The following GNG4 variants were observed in gnomAD, a reference collection of about 807,000 sequenced individuals.
GNG4 encodes guanine nucleotide-binding protein G(I)/G(S)/G(O) subunit gamma-4.
In GNG4, 4 loss-of-function variants were observed where a neutral mutation model predicts 5.8. That is an observed-to-expected ratio of 0.69 (90% CI 0.34 to 1.57). The LOEUF is 1.57. Among genes scored for constraint, GNG4 ranks in the 40% most tolerant of loss-of-function variants. GNG4 has a pLI of 0.06. For synonymous variants in GNG4, 29 were observed against 32.9 expected (o/e 0.88, Z 0.41); for missense variants, 96 against 95.1 (o/e 1.01, Z -0.04).
At chr1:235,605,670 C>T (rs890875616) in intron 1 of GNG4, among the ~76,000 whole-genome samples, 3 of 152,136 alleles carry the variant, frequency 2.0e-5, no homozygotes, top group African/African-American at 7.2e-5. Context: ...CCACTAGGCA[C>T]TGTGATCAGA....
intron 3 of GNG4, among the ~76,000 whole-genome samples, chr1:235,565,276 G>A (rs1350480641): frequency 6.6e-6 from 1 of 152,016 alleles, no homozygotes; most frequent in Non-Finnish European, 1.5e-5. Context: ...CGAGGTGGGC[G>A]GATCACCTGA....
chr1:235,620,726 A>G (rs10926282), intron 1 of GNG4, among the ~76,000 whole-genome samples: 57,593 of 151,900 alleles, frequency 0.38, 11,156 homozygotes, highest in African/African-American at 0.41. Flanking sequence ...TAGTAGAGAC[A>G]GGGTTTCACC....
At chr1:235,615,980 T>C in intron 1 of GNG4, 2 of 329,640 alleles carry the variant, frequency 6.1e-6, no homozygotes, top group East Asian at 1.8e-4. Context: ...GCCTCCACAA[T>C]GTCCTCAGCA....
At chr1:235,569,385 A>C (rs2841889) in intron 3 of GNG4, among the ~76,000 whole-genome samples, 111,891 of 150,882 alleles carry the variant, frequency 0.74, 42,875 homozygotes, top group African/African-American at 0.93. Context: ...TCGAGCCGGG[A>C]AGGCGGAAGC....
chr1:235,622,731 A>C (rs1346428093), intron 1 of GNG4, among the ~76,000 whole-genome samples: 13 of 151,918 alleles, frequency 8.6e-5, no homozygotes, highest in Non-Finnish European at 1.9e-4. Flanking sequence ...AAATACAAAA[A>C]TTAGTCAGGT....
intron 1 of GNG4, among the ~76,000 whole-genome samples, chr1:235,626,958 C>CAAAAAAAAAAAAAAAA (rs776506587): frequency 6.5e-5 from 5 of 77,354 alleles, no homozygotes; most frequent in South Asian, 4.9e-4. Context: ...GACTCTATCT[C>CAAAAAAAAAAAAAAAA]AAAAAAAAAA....
At chr1:235,638,015 T>C (rs941734254) in intron 1 of GNG4, among the ~76,000 whole-genome samples, 2 of 152,182 alleles carry the variant, frequency 1.3e-5, no homozygotes, top group Non-Finnish European at 2.9e-5. Flanking sequence ...CAAGAAGAGC[T>C]TCCCGGACCC....
At chr1:235,592,322 A>T (rs1395711124) in intron 2 of GNG4, among the ~76,000 whole-genome samples, 1 of 152,178 alleles carries the variant, frequency 6.6e-6, no homozygotes, top group Non-Finnish European at 1.5e-5. Context: ...CCTGGCCAAC[A>T]TGGTGAAACC....
chr1:235,626,433 G>A (rs1688810698), intron 1 of GNG4, among the ~76,000 whole-genome samples: 2 of 152,120 alleles, frequency 1.3e-5, no homozygotes, highest in Admixed American at 6.6e-5. Flanking sequence ...GGACTAGAGG[G>A]AGGCTAGTGA....
rs1364753293 is a variant in GNG4 at position 235,549,697 on chromosome 1, G to A, written c.*2412C>T. On this transcript the variant is annotated 3_prime_UTR_variant, in exon 4 of 4. Coordinates refer to ENST00000391854, the MANE Select transcript of GNG4 (RefSeq NM_001098722.2). The stretch of plus-strand genomic sequence containing the variant: ...GAGCTGATAATGAAACTAAGAATGA[G>A]TTTTAACAAAAGAAGCAAGGAACAA... The A allele has an allele frequency of 6.6e-6, 1 of 152,188 alleles. No homozygotes were observed. Among genetic ancestry groups the A allele is most frequent in the Admixed American group, 6.5e-5 (1 of 15,270 alleles). 9.4% of individuals were successfully genotyped at this position (152,188 alleles called of 1,614,324 possible).
At chr1:235,573,604 C>A (rs1379319026) in intron 3 of GNG4, among the ~76,000 whole-genome samples, 1 of 151,948 alleles carries the variant, frequency 6.6e-6, no homozygotes, top group Admixed American at 6.6e-5. Flanking sequence ...AGTGAAACCC[C>A]GTCTCTACTA....
chr1:235,597,160 G>A (rs1389365267), intron 1 of GNG4, among the ~76,000 whole-genome samples: 1 of 152,202 alleles, frequency 6.6e-6, no homozygotes, highest in Non-Finnish European at 1.5e-5. Context: ...GGGGTAATGA[G>A]TTCATTCCCC....
chr1:235,596,428 T>C (rs1263631088), intron 1 of GNG4, among the ~76,000 whole-genome samples: 1 of 151,744 alleles, frequency 6.6e-6, no homozygotes, highest in Non-Finnish European at 1.5e-5. Context: ...TCCTAGCTAG[T>C]TGGGAAGCTG....
intron 2 of GNG4, among the ~76,000 whole-genome samples, chr1:235,584,371 C>T (rs1448382001): frequency 6.6e-6 from 1 of 152,208 alleles, no homozygotes; most frequent in Non-Finnish European, 1.5e-5. Flanking sequence ...AGCTTTGAAG[C>T]CTAGCCGAGT....
At position 235,616,017 on chromosome 1, in the gene GNG4, G is replaced by T. The variant is rs1055063834; in HGVS notation, c.-122-20506C>A. ...CCTGGCCACTGGCGCCTCTTTCACC[G>T]TCTGTGTGGTCCAAGGCCTCGGCAC... On this transcript the variant is annotated intron_variant, in intron 1 of 3. Transcript: ENST00000391854. 1.2e-5 allele frequency: 4 copies of T among 336,130 alleles called. No individual in the cohort carries two copies. The East Asian group carries it at 3.7e-4, about 31-fold the overall frequency. The allele number at this position is 336,130 out of a possible 1,614,324, so 20.8% of individuals were successfully genotyped here.
chr1:235,577,301 G>A (rs113681822), intron 3 of GNG4, among the ~76,000 whole-genome samples: 23 of 152,232 alleles, frequency 1.5e-4, no homozygotes, highest in African/African-American at 5.5e-4. Flanking sequence ...GAGTTGCCAC[G>A]ATTCCTACCA....
intron 1 of GNG4, among the ~76,000 whole-genome samples, chr1:235,634,534 T>A (rs146571317): frequency 3.0e-4 from 46 of 152,206 alleles, no homozygotes; most frequent in Non-Finnish European, 5.7e-4. Context: ...ATGGGCTATG[T>A]GTCCTAGACT....
At chr1:235,573,754 G>A (rs1687409384) in intron 3 of GNG4, among the ~76,000 whole-genome samples, 1 of 152,060 alleles carries the variant, frequency 6.6e-6, no homozygotes, top group Non-Finnish European at 1.5e-5. Context: ...TCCAGCCTGG[G>A]TGACAGAGTG....
intron 1 of GNG4, among the ~76,000 whole-genome samples, chr1:235,614,363 C>G (rs976478473): frequency 1.3e-5 from 2 of 151,912 alleles, no homozygotes; most frequent in African/African-American, 2.4e-5. Context: ...GTTTCATTGA[C>G]TCTTTTTTCT....
Sources: gnomAD v4.1 joint callset for allele counts (sites outside exome capture counted in the v4.1 genomes callset) on GRCh38, gnomAD v4.1.1 for gene constraint, MANE v1.5 for transcripts, NCBI Gene and HGNC (gene_info 2026-07-23, HGNC 2026-07-21) for gene names.